STEAP3: variants seen among roughly 807,000 people sequenced by gnomAD.
The protein encoded by STEAP3 is STEAP3 metalloreductase, also known as metalloreductase STEAP3.
Under a neutral mutation model 34.9 loss-of-function variants are expected in STEAP3, and 35 were observed. The observed-to-expected ratio is 1.00, with a 90% CI of 0.76 to 1.33. The LOEUF (loss-of-function observed/expected upper bound fraction) is 1.33, where lower values mean the gene tolerates loss of function less well. Ranked by LOEUF, STEAP3 falls within the 40% of genes most tolerant of loss-of-function variation. The pLI, the probability that STEAP3 is intolerant of heterozygous loss-of-function variation, is 0.00. For synonymous variants in STEAP3, 281 were observed against 301.6 expected (o/e 0.93, Z 0.71); for missense variants, 652 against 667.6 (o/e 0.98, Z 0.26).
At chr2:119,257,492 T>C (rs536659855) in intron 5 of STEAP3, 373 of 1,541,688 alleles carry the variant, frequency 2.4e-4, no homozygotes, top group Non-Finnish European at 2.9e-4. Flanking sequence ...ACACAGGCAG[T>C]GGAACCCGAA....
intron 5 of STEAP3, among the ~76,000 whole-genome samples, chr2:119,262,233 A>T (rs1346662657): frequency 3.3e-5 from 5 of 152,148 alleles, no homozygotes; most frequent in Non-Finnish European, 7.3e-5. Context: ...GTCTGATCTT[A>T]ACTTAGGCCA....
chr2:119,226,289 C>A (rs1679037832), intron 1 of STEAP3, among the ~76,000 whole-genome samples: 1 of 152,118 alleles, frequency 6.6e-6, no homozygotes, highest in African/African-American at 2.4e-5. Flanking sequence ...GAGGCTGGAT[C>A]CACTCTTTCC....
rs774603994 is a variant in STEAP3 at position 119,254,683 on chromosome 2, G to T, written c.1051-1G>T. On this transcript the variant is annotated splice_acceptor_variant, in intron 4 of 5. Coordinates refer to ENST00000393110, the MANE Select transcript of STEAP3 (RefSeq NM_182915.3). LOFTEE classifies it high-confidence loss of function. ...CATGGTTTTCCTTCCATCCATGTCAGGTCTTGGCCAACAAGAGCCACCTCT... is the reference window on the plus strand; with the variant it reads ...CATGGTTTTCCTTCCATCCATGTCATGTCTTGGCCAACAAGAGCCACCTCT... The T allele has an allele frequency of 5.4e-5, 87 of 1,614,004 alleles. 1 individual carries two copies. Among genetic ancestry groups the T allele is most frequent in the Non-Finnish European group, 4.1e-5 (48 of 1,180,012 alleles).
intron 4 of STEAP3, among the ~76,000 whole-genome samples, chr2:119,251,082 G>A (rs1034586473): frequency 1.3e-5 from 2 of 152,140 alleles, no homozygotes; most frequent in Non-Finnish European, 2.9e-5. Context: ...GATTCTGGAT[G>A]GTCCATGGTA....
chr2:119,255,547 T>C (rs1039453087), intron 5 of STEAP3, among the ~76,000 whole-genome samples: 3 of 152,208 alleles, frequency 2.0e-5, no homozygotes, highest in East Asian at 3.8e-4. Context: ...ATCAGACTTA[T>C]TGGAGTGTTA....
At chr2:119,258,189 G>T (rs1677830249) in intron 5 of STEAP3, among the ~76,000 whole-genome samples, 1 of 152,194 alleles carries the variant, frequency 6.6e-6, no homozygotes, top group South Asian at 2.1e-4. Context: ...CATGGCGCTA[G>T]TGGGAGTGTT....
chr2:119,245,767 G>A lies in STEAP3; in HGVS notation c.301G>A (p.Val101Met). The A allele has an allele frequency of 1.2e-6, 2 of 1,614,222 alleles. No individual in the cohort carries two copies. Among genetic ancestry groups the A allele is most frequent in the Middle Eastern group, 1.6e-4 (1 of 6,062 alleles). ...CTCCCCGGAGGTCATCTTTGTGGCT[G>A]TGTTCCGGGAGCACTACTCTTCACT... ...VSSPEVIFVA[V>M]FREHYSSLCS... Residue 101 changes from valine (V) to methionine (M), a missense_variant, in exon 3 of 6, where the codon GTG (valine) becomes ATG (methionine). Coordinates refer to ENST00000393110, the MANE Select transcript of STEAP3 (RefSeq NM_182915.3).
chr2:119,231,327 T>G (rs1384158230), intron 2 of STEAP3, among the ~76,000 whole-genome samples: 1 of 144,870 alleles, frequency 6.9e-6, no homozygotes, highest in East Asian at 2.1e-4. Context: ...TTCAAGGATT[T>G]ATCACACACA....
At chr2:119,237,248 C>G (rs1461622330) in intron 2 of STEAP3, among the ~76,000 whole-genome samples, 1 of 152,152 alleles carries the variant, frequency 6.6e-6, no homozygotes, top group Non-Finnish European at 1.5e-5. Flanking sequence ...GGATTCATAT[C>G]CCACCTGACC....
chr2:119,231,319 C>T (rs1400287249), intron 2 of STEAP3, among the ~76,000 whole-genome samples: 3 of 146,950 alleles, frequency 2.0e-5, no homozygotes. Flanking sequence ...TTCAGGGGTT[C>T]AAGGATTTAT....
intron 2 of STEAP3, among the ~76,000 whole-genome samples, chr2:119,232,629 G>T (rs1384884295): frequency 6.6e-6 from 1 of 152,164 alleles, no homozygotes; most frequent in African/African-American, 2.4e-5. Context: ...CGCTGCTTTT[G>T]ACTTATATTG....
chr2:119,238,896 G>T (rs1677162934), intron 2 of STEAP3, among the ~76,000 whole-genome samples: 2 of 152,202 alleles, frequency 1.3e-5, no homozygotes, highest in Non-Finnish European at 2.9e-5. Flanking sequence ...TCTACAGTGT[G>T]CCAGGCATGG....
At position 119,263,256 on chromosome 2, in the gene STEAP3, G is replaced by T; in HGVS notation, c.1415G>T (p.Arg472Leu). ...PCISRRLARI[R>L]RGWERESTIK... ...ATCAGCCGCAGACTCGCCAGGATCC[G>T]GAGAGGCTGGGAGAGGGAGAGCACC... Residue 472 changes from arginine to leucine, a missense_variant, in exon 6 of 6, where the codon CGG becomes CTG. Physicochemically the swap from Arg to Leu is moderately radical, Grantham distance 102 (BLOSUM62 -2). Transcript: ENST00000393110. 6.2e-7 allele frequency: 1 copy of T among 1,614,046 alleles called. No individual in the cohort carries two copies. The highest frequency in any genetic ancestry group is 8.5e-7 in the Non-Finnish European group (1 of 1,180,006).
intron 2 of STEAP3, among the ~76,000 whole-genome samples, chr2:119,233,716 T>C (rs1677010322): frequency 6.6e-6 from 1 of 152,138 alleles, no homozygotes; most frequent in South Asian, 2.1e-4. Context: ...GCAGCCAATG[T>C]TAATGTGACA....
chr2:119,248,504 A>C, intron 4 of STEAP3: 1 of 370,366 alleles, frequency 2.7e-6, no homozygotes, highest in Non-Finnish European at 4.9e-6. Context: ...CTAAGGCGCA[A>C]AGGAAAGCAA....
At position 119,245,175 on chromosome 2, in the gene STEAP3, G is replaced by A. The variant is rs10196222; in HGVS notation, c.23-314G>A. The A allele has an allele frequency of 6.0e-3, 2,268 of 378,684 alleles. 41 individuals carry two copies. Among genetic ancestry groups the A allele is most frequent in the African/African-American group, 0.041 (2,073 of 50,312 alleles). The allele number at this position is 378,684 out of a possible 1,614,324, so 23.5% of individuals were successfully genotyped here. On this transcript the variant is annotated intron_variant, in intron 2 of 5. Transcript: ENST00000393110. ...AGAAGTATGGCACTGCATCACATTG[G>A]TCATGGAAATTCCAGAGTTCCCTTT...
intron 5 of STEAP3, among the ~76,000 whole-genome samples, chr2:119,260,754 A>C (rs558360513): frequency 1.1e-4 from 16 of 152,344 alleles, no homozygotes; most frequent in African/African-American, 3.4e-4. Context: ...GCTTATGTGC[A>C]ACTGACAGTC....
At chr2:119,238,708 G>C (rs932477925) in intron 2 of STEAP3, among the ~76,000 whole-genome samples, 1 of 152,206 alleles carries the variant, frequency 6.6e-6, no homozygotes, top group Non-Finnish European at 1.5e-5. Flanking sequence ...TGAGAGAAGA[G>C]GCAGAGCTTA....
intron 5 of STEAP3, 82 bp downstream of exon 5, chr2:119,254,930 C>T: frequency 6.7e-7 from 1 of 1,502,958 alleles, no homozygotes; most frequent in Non-Finnish European, 9.0e-7. Context: ...CCTTTGAGAA[C>T]TGCCTGGGCT....
Sources: allele counts gnomAD v4.1 joint callset (sites outside exome capture counted in the v4.1 genomes callset), GRCh38; gene constraint gnomAD v4.1.1; transcripts MANE v1.5; gene names NCBI Gene and HGNC (gene_info 2026-07-23, HGNC 2026-07-21).